SEC13: variants seen among roughly 807,000 people sequenced by gnomAD.
SEC13 encodes the protein SEC13 homolog, nuclear pore and COPII component, also known as protein SEC13 homolog.
Under a neutral mutation model 49.2 loss-of-function variants are expected in SEC13, and 25 were observed. The ratio of observed to expected loss-of-function variants is 0.51; its 90% CI spans 0.37 to 0.71. The LOEUF (loss-of-function observed/expected upper bound fraction) is 0.71. Ranked by LOEUF, SEC13 falls within the 30% of genes least tolerant of loss-of-function variation. SEC13 has a pLI of 0.00. For missense variants in SEC13, 383 were observed against 417.6 expected (o/e 0.92, Z 0.72); for synonymous variants, 148 against 163.9 (o/e 0.90, Z 0.74).
intron 8 of SEC13, among the ~76,000 whole-genome samples, chr3:10,301,923 A>G (rs1700549554): frequency 6.6e-6 from 1 of 151,350 alleles, no homozygotes; most frequent in African/African-American, 2.4e-5. Flanking sequence ...GCCCCTGGAG[A>G]GAAAATTAGG....
intron 3 of SEC13, chr3:10,313,383 C>G: frequency 1.9e-6 from 1 of 526,286 alleles, no homozygotes; most frequent in Non-Finnish European, 3.9e-6. Flanking sequence ...AGACCAGACC[C>G]ATTCTCCCAT....
intron 1 of SEC13, among the ~76,000 whole-genome samples, chr3:10,319,949 A>AAAGGGAGAGGGAGAGGAAGGGGG (rs2059745060): frequency 1.0e-5 from 1 of 97,452 alleles, no homozygotes; most frequent in African/African-American, 4.1e-5. Context: ...GGAGAGAGAG[A>AAAGGGAGAGGGAGAGGAAGGGGG]AAGGGAGAGG....
chr3:10,304,018 G>C lies in SEC13; in HGVS notation c.855+8C>G, dbSNP rs368418547. 6.2e-7 allele frequency: 1 copy of C among 1,613,868 alleles called. No homozygotes were observed. The highest frequency in any genetic ancestry group is 8.5e-7 in the Non-Finnish European group (1 of 1,180,008). Reference sequence around the variant, plus strand: ...GTGTCCACCATGCCACGGGGAATGGGTATGTACCTTATTGTCTCCACCAGA... The same window carrying C: ...GTGTCCACCATGCCACGGGGAATGGCTATGTACCTTATTGTCTCCACCAGA... On this transcript the variant is annotated splice_region_variant and intron_variant, in intron 8 of 8. Transcript: ENST00000350697.
At position 10,312,572 on chromosome 3, in the gene SEC13, A is replaced by G. The variant is rs1192528621; in HGVS notation, c.316+7T>C. 5 of 1,614,094 alleles carry G rather than the reference A, an allele frequency of 3.1e-6. No homozygotes were observed. Among genetic ancestry groups the G allele is most frequent in the Non-Finnish European group, 4.2e-6 (5 of 1,179,976 alleles). On this transcript the variant is annotated splice_region_variant and intron_variant, in intron 4 of 8. Coordinates refer to ENST00000350697, the MANE Select transcript of SEC13 (RefSeq NM_183352.3). ...CCTTGCCCGCTCTGCTGCCAAGCTC[A>G]GCATACCTGAGGAGTCGTGTCCCGC... is the stretch of plus-strand genomic sequence containing the variant.
At chr3:10,308,346 G>A (rs1701019714) in intron 5 of SEC13, among the ~76,000 whole-genome samples, 1 of 152,000 alleles carries the variant, frequency 6.6e-6, no homozygotes, top group Non-Finnish European at 1.5e-5. Context: ...TTTTCACTCA[G>A]CATAATTATT....
Position 10,319,912 on chromosome 3 carries a change from G to T in SEC13, c.3+1138C>A, listed in dbSNP as rs1336245098. On this transcript the variant is annotated intron_variant, in intron 1 of 8. Coordinates refer to ENST00000350697, the MANE Select transcript of SEC13 (RefSeq NM_183352.3). ...GGAAGGGGGGAGGAAGAGGGAGCGG[G>T]GAGAGAGAGAGAGAAGAGAGGGAGG... Among the ~76,000 whole-genome samples the T allele has an allele frequency of 2.5e-4, 29 of 114,996 alleles. No individual in the cohort carries two copies. The South Asian group carries it at 0.011, about 43-fold the overall frequency. 75.4% of individuals were successfully genotyped at this position (114,996 alleles called of 152,430 possible). A position where few individuals can be genotyped will look rare whatever the true frequency, so the allele number is the denominator to read the frequency against.
At chr3:10,301,414 C>CCCTT (rs1185078590) in intron 8 of SEC13, 40 bp from the exon 9 acceptor site, 2 of 1,612,900 alleles carry the variant, frequency 1.2e-6, no homozygotes, top group South Asian at 2.2e-5. Context: ...CGGGTCTGTG[C>CCCTT]CCTTCCCTCT....
At chr3:10,309,134 C>T (rs886097573) in intron 5 of SEC13, among the ~76,000 whole-genome samples, 4 of 151,450 alleles carry the variant, frequency 2.6e-5, no homozygotes, top group African/African-American at 4.9e-5. Context: ...GACGGGGTTT[C>T]GCCATGTTGG....
intron 7 of SEC13, 140 bp downstream of exon 7, chr3:10,304,893 C>T: frequency 8.0e-7 from 1 of 1,257,484 alleles, no homozygotes. Flanking sequence ...CACACAATGA[C>T]CTGACTCCCT....
At chr3:10,301,955 G>A (rs143558327) in intron 8 of SEC13, among the ~76,000 whole-genome samples, 116 of 152,188 alleles carry the variant, frequency 7.6e-4, no homozygotes, top group African/African-American at 2.8e-3. Flanking sequence ...AAAAAAATCA[G>A]TCTAGGTCGG....
chr3:10,316,531 G>A (rs1306574469), intron 2 of SEC13, among the ~76,000 whole-genome samples: 2 of 152,164 alleles, frequency 1.3e-5, no homozygotes, highest in Non-Finnish European at 2.9e-5. Flanking sequence ...GCAGGACATA[G>A]TACCTTTCAG....
At chr3:10,319,031 G>T (rs1168702330) in intron 1 of SEC13, 2 of 1,002,410 alleles carry the variant, frequency 2.0e-6, no homozygotes, top group Non-Finnish European at 2.9e-6. Flanking sequence ...ATAAGTAAAT[G>T]AACAAAAGCT....
At chr3:10,311,255 CA>C (rs1265308994) in intron 5 of SEC13, among the ~76,000 whole-genome samples, 2 of 152,204 alleles carry the variant, frequency 1.3e-5, no homozygotes, top group African/African-American at 4.8e-5. Context: ...GCTTCTGCCT[CA>C]TGCCCTAAGC....
At chr3:10,318,136 T>C in intron 1 of SEC13, 42 bp from the exon 2 acceptor site, 1 of 1,369,862 alleles carries the variant, frequency 7.3e-7, no homozygotes. Context: ...TCATGGCAGT[T>C]AGAATACAAC....
At chr3:10,320,760 C>T (rs2059761735) in intron 1 of SEC13, 3 of 1,316,322 alleles carry the variant, frequency 2.3e-6, no homozygotes, top group African/African-American at 1.5e-5. Flanking sequence ...AGTAGCTCCT[C>T]TGCTGTTCCT....
intron 3 of SEC13, chr3:10,313,493 T>C: frequency 1.9e-6 from 1 of 517,044 alleles, no homozygotes; most frequent in Non-Finnish European, 4.0e-6. Context: ...CAATGCTTGG[T>C]AGAAGGAAAG....
intron 3 of SEC13, among the ~76,000 whole-genome samples, chr3:10,314,607 T>C (rs1701486994): frequency 6.6e-6 from 1 of 152,180 alleles, no homozygotes; most frequent in Non-Finnish European, 1.5e-5. Flanking sequence ...CTGAACTCTA[T>C]TCACAGAACC....
intron 2 of SEC13, 106 bp downstream of exon 2, chr3:10,317,944 T>A (rs1642977): frequency 0.13 from 96,321 of 735,218 alleles, 8,111 homozygotes; most frequent in East Asian, 0.39. Flanking sequence ...CCACCCTGGA[T>A]CCATGAATGA....
intron 6 of SEC13, 178 bp from the exon 7 acceptor site, chr3:10,305,334 G>C (rs1404220239): frequency 8.8e-7 from 1 of 1,131,920 alleles, no homozygotes; most frequent in Non-Finnish European, 1.2e-6. Flanking sequence ...TCCAGAAAAT[G>C]CTCTGCTTCC....
Sources: allele counts gnomAD v4.1 joint callset (sites outside exome capture counted in the v4.1 genomes callset), GRCh38; gene constraint gnomAD v4.1.1; transcripts MANE v1.5; gene names NCBI Gene and HGNC (gene_info 2026-07-23, HGNC 2026-07-21).